PHF20L1: variants seen among roughly 807,000 people sequenced by gnomAD.
PHF20L1 encodes the protein PHD finger protein 20-like protein 1.
A neutral mutation model predicts 125.5 loss-of-function variants in PHF20L1; 44 were observed. That is an observed-to-expected ratio of 0.35 (90% CI 0.28 to 0.45). The LOEUF (loss-of-function observed/expected upper bound fraction) is 0.45, where lower values mean the gene tolerates loss of function less well. PHF20L1 is among the 20% of genes least tolerant of loss of function. The pLI is 1.00. For synonymous variants in PHF20L1, 380 were observed against 403.1 expected (o/e 0.94, Z 0.69); for missense variants, 1,012 against 1,217.2 (o/e 0.83, Z 2.51).
chr8:132,835,904 C>A (rs1412794179), intron 15 of PHF20L1, among the ~76,000 whole-genome samples: 1 of 151,988 alleles, frequency 6.6e-6, no homozygotes, highest in East Asian at 1.9e-4. Flanking sequence ...GTCAATAATG[C>A]TATTGTTGAT....
intron 4 of PHF20L1, among the ~76,000 whole-genome samples, chr8:132,795,888 C>T (rs2131470065): frequency 6.6e-6 from 1 of 152,214 alleles, no homozygotes; most frequent in Non-Finnish European, 1.5e-5. Context: ...TGGTCTCTCT[C>T]TTCCTTCCTC....
At chr8:132,820,636 A>C (rs1046474446) in intron 12 of PHF20L1, among the ~76,000 whole-genome samples, 3 of 151,434 alleles carry the variant, frequency 2.0e-5, no homozygotes, top group Non-Finnish European at 4.4e-5. Flanking sequence ...CTTCCTTGAA[A>C]CTCAGTTTTT....
intron 20 of PHF20L1, among the ~76,000 whole-genome samples, chr8:132,844,846 C>T (rs916181042): frequency 6.6e-6 from 1 of 152,002 alleles, no homozygotes; most frequent in African/African-American, 2.4e-5. Flanking sequence ...AGTTGAGAAA[C>T]TAGAGTAACT....
rs778303734 is a variant in PHF20L1 at position 132,842,525 on chromosome 8, C to T, written c.2398C>T (p.His800Tyr). Residue 800 changes from histidine (H) to tyrosine (Y), a missense_variant, in exon 19 of 21, where the codon CAT becomes TAT. His to Tyr is a moderately conservative substitution (Grantham distance 83). Around this residue, in one of 7 missense-constraint regions of PHF20L1, gnomAD observed 277 missense variants for 283.6 expected, o/e 0.98. Transcript: ENST00000395386. Reference sequence around the variant, plus strand: ...CAACTTTGTTTTAAGGAATAAACATCATCCTGACCTTCATCTCTGGGCTTG... The same window carrying T: ...CAACTTTGTTTTAAGGAATAAACATTATCCTGACCTTCATCTCTGGGCTTG... ...LKIGILKNKH[H>Y]PDLHLWACSG... is the part of the protein sequence containing the mutation. 2.5e-5 allele frequency: 39 copies of T among 1,587,268 alleles called. No homozygotes were observed. Among genetic ancestry groups the T allele is most frequent in the Admixed American group, 2.4e-4 (13 of 54,134 alleles).
At chr8:132,840,524 G>A (rs371842639) in intron 18 of PHF20L1, among the ~76,000 whole-genome samples, 3 of 152,056 alleles carry the variant, frequency 2.0e-5, no homozygotes, top group East Asian at 3.9e-4. Flanking sequence ...ATGTACTAGA[G>A]CATCTTCCTG....
At chr8:132,776,840 A>G (rs920056236) in intron 1 of PHF20L1, among the ~76,000 whole-genome samples, 2 of 152,240 alleles carry the variant, frequency 1.3e-5, no homozygotes, top group Non-Finnish European at 2.9e-5. Context: ...CCCTGATAAC[A>G]ATCAATTTAC....
intron 18 of PHF20L1, among the ~76,000 whole-genome samples, chr8:132,840,859 C>A (rs1307344083): frequency 6.6e-6 from 1 of 152,030 alleles, no homozygotes; most frequent in Non-Finnish European, 1.5e-5. Context: ...GTCATGGGAT[C>A]CTTTAAAATA....
intron 2 of PHF20L1, among the ~76,000 whole-genome samples, chr8:132,787,995 G>A (rs1271381184): frequency 6.6e-6 from 1 of 151,926 alleles, no homozygotes; most frequent in African/African-American, 2.4e-5. Context: ...AGTTATAGAT[G>A]AAGTTCTTAT....
chr8:132,823,455 C>T (rs754513583), intron 12 of PHF20L1, among the ~76,000 whole-genome samples: 3 of 151,900 alleles, frequency 2.0e-5, no homozygotes, highest in Non-Finnish European at 4.4e-5. Context: ...TTTGGATTGC[C>T]GAAGGCTGTG....
In PHF20L1 at chr8:132,842,666, C is replaced by A. The variant is rs746946897; in HGVS notation, c.2539C>A (p.Arg847Ser). The A allele has an allele frequency of 1.2e-6, 2 of 1,613,210 alleles. No homozygotes were observed. Among genetic ancestry groups the A allele is most frequent in the Admixed American group, 1.7e-5 (1 of 59,812 alleles). ...TGTACAGAACCATAAAGAACCACCTCGTTTGCCCCTAAAAATGGAAGGAAC... is the reference window on the plus strand; with the variant it reads ...TGTACAGAACCATAAAGAACCACCTAGTTTGCCCCTAAAAATGGAAGGAAC... Reference protein sequence around the residue: ...KYVQNHKEPPRLPLKMEGTYI... With the variant: ...KYVQNHKEPPSLPLKMEGTYI... Residue 847 changes from arginine (R) to serine (S), a missense_variant, in exon 19 of 21, where the codon CGT (arginine) becomes AGT (serine). Arg to Ser is a moderately radical substitution (Grantham distance 110). Transcript: ENST00000395386.
At position 132,817,027 on chromosome 8, in the gene PHF20L1, A is replaced by G. The variant is rs555011760; in HGVS notation, c.1323A>G (p.Lys441=). 41 of 1,605,868 alleles carry G rather than the reference A, an allele frequency of 2.6e-5. No homozygotes were observed. The highest frequency in any genetic ancestry group is 1.4e-4 in the South Asian group (13 of 90,166). ...VSSPSPATDG[K]VFSISSQNQQ... ...CTCCCTCTCCAGCCACTGATGGGAA[A>G]GTATTCTCCATCAGTTCTCAAAATC... The change falls in exon 11 of 21, where the codon AAA becomes AAG. Residue 441 remains lysine (K), a synonymous_variant. Transcript: ENST00000395386.
At chr8:132,805,322 A>C (rs1833558454) in intron 8 of PHF20L1, among the ~76,000 whole-genome samples, 5 of 151,896 alleles carry the variant, frequency 3.3e-5, no homozygotes, top group Admixed American at 3.3e-4. Flanking sequence ...TAGTTTAGGA[A>C]ATAGCAGTGT....
intron 18 of PHF20L1, among the ~76,000 whole-genome samples, chr8:132,841,206 A>C (rs1002221427): frequency 1.3e-5 from 2 of 152,098 alleles, no homozygotes; most frequent in African/African-American, 4.8e-5. Flanking sequence ...CGATTTATTG[A>C]AAGTCCTACA....
intron 12 of PHF20L1, chr8:132,819,031 G>T (rs181066113): frequency 6.6e-6 from 1 of 151,864 alleles, no homozygotes; most frequent in Non-Finnish European, 1.5e-5. Context: ...TGTAGTGATT[G>T]TGCATGGAAG....
chr8:132,832,162 C>A, intron 14 of PHF20L1, 73 bp from the exon 15 acceptor site: 1 of 967,954 alleles, frequency 1.0e-6, no homozygotes, highest in Non-Finnish European at 1.6e-6. Flanking sequence ...TGAAACATGA[C>A]TTTCGTTATT....
intron 19 of PHF20L1, chr8:132,843,934 G>C: frequency 4.1e-6 from 4 of 985,072 alleles, no homozygotes; most frequent in African/African-American, 3.5e-5. Context: ...TGCCTGTGTA[G>C]CACCATGCGA....
chr8:132,785,817 A>T (rs1830956858), intron 2 of PHF20L1, among the ~76,000 whole-genome samples: 2 of 152,132 alleles, frequency 1.3e-5, no homozygotes, highest in South Asian at 4.1e-4. Context: ...TTGCCAAAAA[A>T]GTTACCATGA....
chr8:132,839,998 G>A (rs1257699482), intron 18 of PHF20L1, among the ~76,000 whole-genome samples: 1 of 152,054 alleles, frequency 6.6e-6, no homozygotes, highest in South Asian at 2.1e-4. Context: ...GATGAAGGGA[G>A]CCTACAAACC....
rs370724463 is a variant in PHF20L1 at position 132,792,964 on chromosome 8, CT to C, written c.84-1428del. Among the ~76,000 whole-genome samples the C allele has an allele frequency of 6.0e-3, 778 of 129,600 alleles. 8 individuals are homozygous for C. The highest frequency in any genetic ancestry group is 0.017 in the African/African-American group (579 of 34,592). The allele number at this position is 129,600 out of a possible 152,430, so 85.0% of individuals were successfully genotyped here. A position where few individuals can be genotyped will look rare whatever the true frequency, so the allele number is the denominator to read the frequency against. On this transcript the variant is annotated intron_variant, in intron 2 of 20. Coordinates refer to ENST00000395386, the MANE Select transcript of PHF20L1 (RefSeq NM_016018.5). ...GCTTATTTGAGAAGACCCCTTTTTT[CT>C]TTTTTTTTTTTTTTTTTAGTGCCAC...
Sources: gnomAD v4.1 joint callset for allele counts (sites outside exome capture counted in the v4.1 genomes callset) on GRCh38, gnomAD v4.1.1 for gene constraint, gnomAD v4.1.1 regional missense constraint, MANE v1.5 for transcripts, NCBI Gene and HGNC (gene_info 2026-07-23, HGNC 2026-07-21) for gene names.